The following NOVA1 variants were observed in gnomAD, a reference collection of about 807,000 sequenced individuals.
The protein encoded by NOVA1 is NOVA alternative splicing regulator 1, also known as RNA-binding protein Nova-1.
In NOVA1, 7 loss-of-function variants were observed where a neutral mutation model predicts 38.0. The observed-to-expected ratio is 0.18, with a 90% CI of 0.10 to 0.35. NOVA1 has a LOEUF of 0.35. Ranked by LOEUF, NOVA1 falls within the 10% of genes least tolerant of loss-of-function variation. The pLI is 1.00. For missense variants in NOVA1, 460 were observed against 616.0 expected (o/e 0.75, Z 2.68); for synonymous variants, 270 against 232.5 (o/e 1.16, Z -1.47).
At chr14:26,503,154 C>T (rs759112495) in intron 2 of NOVA1, among the ~76,000 whole-genome samples, 2 of 151,940 alleles carry the variant, frequency 1.3e-5, no homozygotes, top group Non-Finnish European at 2.9e-5. Flanking sequence ...AAACTTGCAA[C>T]ATATGTAATA....
chr14:26,494,873 T>G (rs1341545207), intron 2 of NOVA1, among the ~76,000 whole-genome samples: 1 of 152,174 alleles, frequency 6.6e-6, no homozygotes, highest in Non-Finnish European at 1.5e-5. Context: ...GAATAATAGT[T>G]TGAACCTGTA....
Position 26,443,194 on chromosome 14 carries a change from A to G in NOVA1, c.*4765T>C, listed in dbSNP as rs1349718062. 6.6e-6 allele frequency: 1 copy of G among 152,046 alleles called. No homozygotes were observed. Among genetic ancestry groups the G allele is most frequent in the Non-Finnish European group, 1.5e-5 (1 of 67,918 alleles). 9.4% of individuals were successfully genotyped at this position (152,046 alleles called of 1,614,324 possible). A position where few individuals can be genotyped will look rare whatever the true frequency, so the allele number is the denominator to read the frequency against. ...AAAATGAGCTTAAAACGTGTTCCAC[A>G]GTTTTTGCTTGTTTATATATCTATG... On this transcript the variant is annotated 3_prime_UTR_variant, in exon 5 of 5. Transcript: ENST00000539517.
chr14:26,592,870 G>T (rs184680577), intron 2 of NOVA1: 1 of 151,552 alleles, frequency 6.6e-6, no homozygotes, highest in Non-Finnish European at 1.5e-5. Flanking sequence ...GAAAGTTTCC[G>T]AAAACACACT....
At chr14:26,468,645 T>G (rs935231931) in intron 4 of NOVA1, among the ~76,000 whole-genome samples, 1 of 152,230 alleles carries the variant, frequency 6.6e-6, no homozygotes, top group Admixed American at 6.5e-5. Context: ...TCAATGAGCT[T>G]ACAAATGACA....
At chr14:26,587,021 C>T (rs1893559426) in intron 2 of NOVA1, among the ~76,000 whole-genome samples, 1 of 148,050 alleles carries the variant, frequency 6.8e-6, no homozygotes, top group African/African-American at 2.5e-5. Flanking sequence ...AAAAGTAGAA[C>T]AAAACAAGAG....
intron 2 of NOVA1, among the ~76,000 whole-genome samples, chr14:26,500,988 C>T (rs1887206880): frequency 1.3e-5 from 2 of 151,890 alleles, no homozygotes; most frequent in South Asian, 2.1e-4. Flanking sequence ...AAATAAAGTG[C>T]TACAATAAAC....
intron 2 of NOVA1, among the ~76,000 whole-genome samples, chr14:26,510,872 A>T (rs1017804864): frequency 2.0e-5 from 3 of 152,350 alleles, no homozygotes; most frequent in South Asian, 2.1e-4. Context: ...TTACATTTTT[A>T]AAATTAACAT....
chr14:26,529,343 G>T (rs1482626486), intron 2 of NOVA1, among the ~76,000 whole-genome samples: 1 of 152,000 alleles, frequency 6.6e-6, no homozygotes, highest in African/African-American at 2.4e-5. Flanking sequence ...TCATCATGTT[G>T]GCCAGGCTGG....
intron 2 of NOVA1, among the ~76,000 whole-genome samples, chr14:26,531,717 C>T (rs1889730049): frequency 2.0e-5 from 3 of 152,166 alleles, no homozygotes; most frequent in Non-Finnish European, 4.4e-5. Context: ...ACAAACTGGA[C>T]TTCATGAAAA....
chr14:26,475,247 G>C (rs916475497), intron 3 of NOVA1, among the ~76,000 whole-genome samples: 1 of 151,922 alleles, frequency 6.6e-6, no homozygotes, highest in Non-Finnish European at 1.5e-5. Flanking sequence ...GCCCAGGCTG[G>C]TCTCAAACTC....
intron 2 of NOVA1, among the ~76,000 whole-genome samples, chr14:26,583,125 T>A (rs1893319024): frequency 6.6e-6 from 1 of 151,730 alleles, no homozygotes; most frequent in African/African-American, 2.4e-5. Flanking sequence ...AAAGAAAGCA[T>A]GGTTTCAAAT....
intron 2 of NOVA1, among the ~76,000 whole-genome samples, chr14:26,534,490 C>T (rs994671537): frequency 1.3e-5 from 2 of 151,708 alleles, no homozygotes; most frequent in African/African-American, 4.8e-5. Context: ...TATAAAATTA[C>T]TACTATAAAA....
chr14:26,586,114 G>C (rs1324189496), intron 2 of NOVA1, among the ~76,000 whole-genome samples: 3 of 151,314 alleles, frequency 2.0e-5, no homozygotes, highest in Non-Finnish European at 1.5e-5. Context: ...CCCCACATCA[G>C]TGGACCTTAA....
intron 2 of NOVA1, among the ~76,000 whole-genome samples, chr14:26,583,493 T>A (rs1893340426): frequency 6.6e-6 from 1 of 151,590 alleles, no homozygotes; most frequent in Non-Finnish European, 1.5e-5. Context: ...AATATTTTTA[T>A]TTTAAATCCC....
At chr14:26,501,684 T>C (rs1887253213) in intron 2 of NOVA1, among the ~76,000 whole-genome samples, 1 of 151,960 alleles carries the variant, frequency 6.6e-6, no homozygotes, top group South Asian at 2.1e-4. Flanking sequence ...CCTTTTTGTT[T>C]TGAAAGTTCC....
chr14:26,479,019 A>C (rs1307534586), intron 3 of NOVA1: 1 of 151,866 alleles, frequency 6.6e-6, no homozygotes, highest in Non-Finnish European at 1.5e-5. Context: ...GTTCAGTATA[A>C]TACTTTTTAA....
intron 2 of NOVA1, among the ~76,000 whole-genome samples, chr14:26,553,434 C>T (rs910503745): frequency 7.9e-5 from 12 of 152,070 alleles, no homozygotes; most frequent in East Asian, 1.9e-4. Flanking sequence ...CCAAATCAAG[C>T]GAGAGTTCAT....
chr14:26,538,112 G>T (rs1162125804), intron 2 of NOVA1, among the ~76,000 whole-genome samples: 2 of 152,080 alleles, frequency 1.3e-5, no homozygotes, highest in African/African-American at 4.8e-5. Context: ...AATCAAGTTG[G>T]AACTTTTAGA....
intron 2 of NOVA1, among the ~76,000 whole-genome samples, chr14:26,570,761 C>T (rs17111395): frequency 0.25 from 37,817 of 152,004 alleles, 5,560 homozygotes; most frequent in African/African-American, 0.4. Flanking sequence ...TGCTATAATA[C>T]TGTAATATGC....
Sources: allele counts gnomAD v4.1 joint callset (sites outside exome capture counted in the v4.1 genomes callset), GRCh38; gene constraint gnomAD v4.1.1; transcripts MANE v1.5; gene names NCBI Gene and HGNC (gene_info 2026-07-23, HGNC 2026-07-21).